The following XKR9 variants were observed in gnomAD, a reference collection of about 807,000 sequenced individuals.
XKR9 encodes the protein XK-related protein 9.
In XKR9, 32 loss-of-function variants were observed where a neutral mutation model predicts 32.0. That is an observed-to-expected ratio of 1.00 (90% CI 0.76 to 1.34). The LOEUF (loss-of-function observed/expected upper bound fraction) is 1.34. Ranked by LOEUF, XKR9 falls within the 40% of genes most tolerant of loss-of-function variation. The pLI is 0.00. For synonymous variants in XKR9, 168 were observed against 143.4 expected, an observed-to-expected ratio of 1.17 and a Z score of -1.22; for missense variants, 546 against 429.7, an observed-to-expected ratio of 1.27 and a Z score of -2.39.
At chr8:70,835,649 C>T in the XKR9 span, among the ~76,000 whole-genome samples, 43 of 152,048 alleles carry the variant, frequency 2.8e-4, no homozygotes, top group Non-Finnish European at 4.9e-4. Flanking sequence ...CCTTGAACTA[C>T]GCTTCTTACA....
At chr8:70,695,560 C>T (rs1461579517) in intron 3 of XKR9, among the ~76,000 whole-genome samples, 1 of 151,928 alleles carries the variant, frequency 6.6e-6, no homozygotes, top group East Asian at 1.9e-4. Flanking sequence ...GCCACATTTT[C>T]TTAATCCAGT....
At chr8:70,965,389 A>G in the XKR9 span, among the ~76,000 whole-genome samples, 2 of 152,122 alleles carry the variant, frequency 1.3e-5, no homozygotes, top group Non-Finnish European at 2.9e-5. Flanking sequence ...TGTTTATCAG[A>G]GATATTGGCC....
At chr8:71,022,771 C>T in the XKR9 span, among the ~76,000 whole-genome samples, 3 of 152,156 alleles carry the variant, frequency 2.0e-5, no homozygotes, top group South Asian at 4.2e-4. Context: ...TTATAGTGTC[C>T]CATACTCATG....
chr8:70,853,942 G>A, the XKR9 span, among the ~76,000 whole-genome samples: 1 of 152,154 alleles, frequency 6.6e-6, no homozygotes, highest in Non-Finnish European at 1.5e-5. Flanking sequence ...GGACGTTTGG[G>A]TTGGTTCCAA....
chr8:70,780,063 A>AT (rs920782330), intron 2 of XKR9, among the ~76,000 whole-genome samples: 1 of 150,644 alleles, frequency 6.6e-6, no homozygotes, highest in African/African-American at 2.4e-5. Context: ...TGGATTTTAG[A>AT]TTTTTCCTAT....
chr8:70,694,886 T>A (rs1196942128), intron 3 of XKR9, among the ~76,000 whole-genome samples: 4 of 152,180 alleles, frequency 2.6e-5, no homozygotes, highest in Non-Finnish European at 5.9e-5. Flanking sequence ...TATCTAAGCC[T>A]CCAGGGACTC....
At chr8:70,817,704 A>C in the XKR9 span, among the ~76,000 whole-genome samples, 1 of 152,218 alleles carries the variant, frequency 6.6e-6, no homozygotes, top group Admixed American at 6.5e-5. Flanking sequence ...TGGAGGTATC[A>C]CATTACCAGA....
At chr8:70,740,804 G>A (rs145025069), downstream of XKR9, among the ~76,000 whole-genome samples, 222 of 152,330 alleles carry the variant, frequency 1.5e-3, 1 homozygote, top group East Asian at 6.6e-3. Flanking sequence ...CACGAATGCT[G>A]CTGTCTGATC....
At chr8:70,956,740 C>T in the XKR9 span, among the ~76,000 whole-genome samples, 5 of 152,292 alleles carry the variant, frequency 3.3e-5, no homozygotes, top group Non-Finnish European at 7.3e-5. Context: ...TGTGCATACC[C>T]GGCCAGGTTA....
intron 1 of XKR9, among the ~76,000 whole-genome samples, chr8:70,670,939 C>A (rs1417344244): frequency 6.6e-6 from 1 of 152,120 alleles, no homozygotes; most frequent in Non-Finnish European, 1.5e-5. Context: ...AGTCAGTGAA[C>A]CCTGGAGAAG....
At chr8:70,938,062 G>T in the XKR9 span, among the ~76,000 whole-genome samples, 50 of 151,502 alleles carry the variant, frequency 3.3e-4, no homozygotes, top group Non-Finnish European at 6.6e-4. Context: ...GGTTAAAGTG[G>T]CAAAATGTAC....
At chr8:70,892,481 A>G in the XKR9 span, among the ~76,000 whole-genome samples, 4 of 152,194 alleles carry the variant, frequency 2.6e-5, no homozygotes, top group African/African-American at 9.6e-5. Context: ...ATTTTTTCAC[A>G]TCCAGATGTG....
At chr8:71,016,607 G>A in the XKR9 span, among the ~76,000 whole-genome samples, 12 of 152,136 alleles carry the variant, frequency 7.9e-5, no homozygotes, top group Non-Finnish European at 1.8e-4. Flanking sequence ...AGCCCAATGT[G>A]TACTGCCAAA....
chr8:71,016,714 A>G, the XKR9 span, among the ~76,000 whole-genome samples: 1 of 152,196 alleles, frequency 6.6e-6, no homozygotes, highest in Non-Finnish European at 1.5e-5. Flanking sequence ...ACCTTAAGTA[A>G]TTTATGGAGA....
the XKR9 span, among the ~76,000 whole-genome samples, chr8:71,036,887 T>TA: frequency 0.011 from 1,698 of 151,074 alleles, 38 homozygotes; most frequent in African/African-American, 0.039. Context: ...TTTTTTTTTT[T>TA]AAGTAGAGAC....
the XKR9 span, among the ~76,000 whole-genome samples, chr8:70,996,000 C>T: frequency 7.5e-6 from 1 of 132,808 alleles, no homozygotes; most frequent in African/African-American, 2.5e-5. Flanking sequence ...AACCCACTAC[C>T]TTCTATTGTA....
At chr8:70,793,423 G>A (rs1227086104), downstream of XKR9, among the ~76,000 whole-genome samples, 1 of 152,032 alleles carries the variant, frequency 6.6e-6, no homozygotes, top group Non-Finnish European at 1.5e-5. Context: ...AAGAGGAAGA[G>A]AGACCTGAGC....
At chr8:71,047,071 G>T in the XKR9 span, among the ~76,000 whole-genome samples, 4 of 152,204 alleles carry the variant, frequency 2.6e-5, no homozygotes, top group African/African-American at 9.7e-5. Flanking sequence ...TAGGATAATT[G>T]CATTGTTCTT....
the XKR9 span, among the ~76,000 whole-genome samples, chr8:70,864,632 T>G: frequency 6.6e-6 from 1 of 152,164 alleles, no homozygotes; most frequent in African/African-American, 2.4e-5. Flanking sequence ...AGTGACAGCT[T>G]TGCCTATAAA....
Sources: gnomAD v4.1 joint callset for allele counts (sites outside exome capture counted in the v4.1 genomes callset) on GRCh38, gnomAD v4.1.1 for gene constraint, MANE v1.5 for transcripts, NCBI Gene and HGNC (gene_info 2026-07-23, HGNC 2026-07-21) for gene names.